PREX1: variants seen among roughly 807,000 people sequenced by gnomAD.
The protein encoded by PREX1 is phosphatidylinositol-3,4,5-trisphosphate dependent Rac exchange factor 1, also known as phosphatidylinositol 3,4,5-trisphosphate-dependent Rac exchanger 1 protein.
In PREX1, 41 loss-of-function variants were observed where a neutral mutation model predicts 198.3. The ratio of observed to expected loss-of-function variants is 0.21; its 90% CI spans 0.16 to 0.27. The LOEUF is 0.27. PREX1 is among the 10% of genes least tolerant of loss of function. The pLI is 1.00. For missense variants in PREX1, 1,620 were observed against 2,200.7 expected (o/e 0.74, Z 5.28); for synonymous variants, 843 against 887.2 (o/e 0.95, Z 0.89).
chr20:48,630,306 T>G (rs751462287), intron 36 of PREX1, among the ~76,000 whole-genome samples: 1 of 152,366 alleles, frequency 6.6e-6, no homozygotes, highest in South Asian at 2.1e-4. Context: ...TGTGGCAACA[T>G]GGTCCCCAAC....
At chr20:48,661,313 C>T (rs2089589089) in intron 15 of PREX1, among the ~76,000 whole-genome samples, 1 of 145,888 alleles carries the variant, frequency 6.9e-6, no homozygotes. Flanking sequence ...CAGCTACTCG[C>T]AAGGCTGAGG....
At chr20:48,750,852 T>G (rs1348074936) in intron 1 of PREX1, among the ~76,000 whole-genome samples, 1 of 152,168 alleles carries the variant, frequency 6.6e-6, no homozygotes, top group East Asian at 1.9e-4. Flanking sequence ...GAGGCCAGGT[T>G]TGGAAACTGG....
chr20:48,833,128 T>C, the PREX1 span, among the ~76,000 whole-genome samples: 1 of 152,202 alleles, frequency 6.6e-6, no homozygotes. Flanking sequence ...CACAGCGTTG[T>C]TGTGCAGGTT....
the PREX1 span, among the ~76,000 whole-genome samples, chr20:48,849,242 T>C: frequency 6.6e-6 from 1 of 152,214 alleles, no homozygotes; most frequent in Non-Finnish European, 1.5e-5. Flanking sequence ...TCTATAGATA[T>C]ATATATACAT....
At chr20:48,864,171 A>G in the PREX1 span, among the ~76,000 whole-genome samples, 4 of 152,198 alleles carry the variant, frequency 2.6e-5, no homozygotes, top group African/African-American at 9.7e-5. Context: ...TGAAATTTCG[A>G]TCTTTCATTT....
At chr20:48,810,078 C>T (rs2090427585) in intron 1 of PREX1, among the ~76,000 whole-genome samples, 1 of 152,172 alleles carries the variant, frequency 6.6e-6, no homozygotes, top group African/African-American at 2.4e-5. Flanking sequence ...GTGCGCGGCT[C>T]CTTAGTAAAA....
At chr20:48,839,955 C>A in the PREX1 span, among the ~76,000 whole-genome samples, 3 of 152,232 alleles carry the variant, frequency 2.0e-5, no homozygotes, top group Non-Finnish European at 4.4e-5. Context: ...CATAAAACTT[C>A]CATTACATTT....
intron 1 of PREX1, among the ~76,000 whole-genome samples, chr20:48,762,676 C>T (rs1045395569): frequency 6.6e-6 from 1 of 151,642 alleles, no homozygotes; most frequent in Non-Finnish European, 1.5e-5. Flanking sequence ...AAAAATGGTA[C>T]CTGACTGCTA....
chr20:48,853,219 T>C, the PREX1 span, among the ~76,000 whole-genome samples: 1 of 152,238 alleles, frequency 6.6e-6, no homozygotes, highest in African/African-American at 2.4e-5. Flanking sequence ...GACATGAATT[T>C]AGACCATCAG....
rs71827793 is a variant in PREX1 at position 48,730,413 on chromosome 20, CCACACACACACACA to C, written c.520-4036_520-4023del. Among the ~76,000 whole-genome samples, 198 of 146,794 alleles carry C rather than the reference CCACACACACACACA, an allele frequency of 1.3e-3. 5 individuals carry two copies. The East Asian group carries it at 0.033, about 24-fold the overall frequency. On this transcript the variant is annotated intron_variant, in intron 4 of 39. Coordinates refer to ENST00000371941, the MANE Select transcript of PREX1 (RefSeq NM_020820.4). ...CAGACATCATGCTGCGCAAAAGCCA[CCACACACACACACA>C]CACACACACACACACACACACGCAC...
At chr20:48,678,408 T>C (rs1467750021) in intron 13 of PREX1, among the ~76,000 whole-genome samples, 1 of 151,530 alleles carries the variant, frequency 6.6e-6, no homozygotes, top group African/African-American at 2.4e-5. Flanking sequence ...AGGTTGAGAC[T>C]GCAGTGAGCT....
chr20:48,849,359 GATATAT>G, the PREX1 span: 1 of 151,856 alleles, frequency 6.6e-6, no homozygotes, highest in Non-Finnish European at 1.5e-5. Context: ...GTCTTCTATG[GATATAT>G]ATATAGTATT....
chr20:48,799,640 G>C (rs1021802191), intron 1 of PREX1, among the ~76,000 whole-genome samples: 1 of 152,050 alleles, frequency 6.6e-6, no homozygotes, highest in African/African-American at 2.4e-5. Flanking sequence ...TTGGCTTCCT[G>C]TGTACCCCAT....
chr20:48,787,087 G>A (rs1273354073), intron 1 of PREX1, among the ~76,000 whole-genome samples: 2 of 151,790 alleles, frequency 1.3e-5, no homozygotes, highest in African/African-American at 2.4e-5. Flanking sequence ...GAAACGTCCA[G>A]CAAAGGCTGC....
chr20:48,776,676 G>A (rs1044746021), intron 1 of PREX1, among the ~76,000 whole-genome samples: 10 of 152,336 alleles, frequency 6.6e-5, no homozygotes, highest in Admixed American at 2.0e-4. Context: ...TCCAGTCACT[G>A]AGGTATTTGC....
At chr20:48,646,325 G>A (rs941907099) in intron 25 of PREX1, among the ~76,000 whole-genome samples, 2 of 152,240 alleles carry the variant, frequency 1.3e-5, no homozygotes, top group Non-Finnish European at 2.9e-5. Context: ...GTTGCAGTGG[G>A]AAAGACCTGG....
chr20:48,640,855 A>G (rs533276395), intron 29 of PREX1, among the ~76,000 whole-genome samples: 1 of 94,064 alleles, frequency 1.1e-5, no homozygotes, highest in Admixed American at 1.5e-4. Context: ...GGATGGATGG[A>G]TGGGTAGGTG....
chr20:48,679,788 C>G (rs376123428), intron 11 of PREX1, 34 bp from the exon 12 acceptor site: 13 of 1,537,634 alleles, frequency 8.5e-6, no homozygotes, highest in Non-Finnish European at 1.2e-5. Context: ...ACGCTGGGCA[C>G]GCCCCCTCAG....
At position 48,740,069 on chromosome 20, in the gene PREX1, C is replaced by T. The variant is rs201458190; in HGVS notation, c.414+4956G>A. On this transcript the variant is annotated intron_variant, in intron 3 of 39. Transcript: ENST00000371941. ...CATCTGATCAGTTAGGTGACACTAG[C>T]GGGCTGGACTGTGGGCCAGGGCCCC... 1.3e-4 allele frequency among the ~76,000 whole-genome samples: 20 copies of T among 152,276 alleles called. No homozygotes were observed. The East Asian group carries it at 3.1e-3, about 24-fold the overall frequency.
Sources: allele counts gnomAD v4.1 joint callset (sites outside exome capture counted in the v4.1 genomes callset), GRCh38; gene constraint gnomAD v4.1.1; transcripts MANE v1.5; gene names NCBI Gene and HGNC (gene_info 2026-07-23, HGNC 2026-07-21).